GLI2: variants seen among roughly 807,000 people sequenced by gnomAD.
GLI2 encodes the protein GLI family zinc finger 2.
A neutral mutation model predicts 78.9 loss-of-function variants in GLI2; 22 were observed. The ratio of observed to expected loss-of-function variants is 0.28; its 90% CI spans 0.20 to 0.40. GLI2 has a LOEUF of 0.40. GLI2 is among the 10% of genes least tolerant of loss of function. The probability of loss-of-function intolerance (pLI) is 1.00; values close to 1 mark genes in which losing one functional copy is unlikely to be tolerated. For missense variants in GLI2, 2,097 were observed against 2,213.2 expected (o/e 0.95, Z 1.05); for synonymous variants, 974 against 963.7 (o/e 1.01, Z -0.20).
intron 2 of GLI2, among the ~76,000 whole-genome samples, chr2:120,814,769 C>T (rs924856454): frequency 2.0e-5 from 3 of 151,188 alleles, no homozygotes; most frequent in Admixed American, 6.6e-5. Flanking sequence ...TTTTGGGATT[C>T]CTGCCCCCGC....
chr2:120,841,193 C>A (rs7557372), intron 2 of GLI2, among the ~76,000 whole-genome samples: 42,121 of 152,150 alleles, frequency 0.28, 6,921 homozygotes, highest in African/African-American at 0.46. Flanking sequence ...TATCCACTCC[C>A]TGCAAAAGAC....
chr2:120,831,237 CA>C (rs1468991227), intron 2 of GLI2, among the ~76,000 whole-genome samples: 1 of 152,192 alleles, frequency 6.6e-6, no homozygotes, highest in African/African-American at 2.4e-5. Flanking sequence ...CTTCTTCTGC[CA>C]AAGGCATCTT....
Position 120,986,519 on chromosome 2 carries a change from A to G in GLI2, c.2147A>G (p.Lys716Arg), listed in dbSNP as rs573007556. The change falls in exon 13 of 14, where the codon AAG (lysine) becomes AGG (arginine). Residue 716 changes from lysine to arginine, a missense_variant. This residue lies in a region of GLI2 where 1,290 missense variants were observed against 1,261.7 expected (regional missense o/e 1.02). Coordinates refer to ENST00000361492, the MANE Select transcript of GLI2 (RefSeq NM_001374353.1). ...MTTMHRFEQL[K>R]KEKLKSLKDS... ...ACCATGCACCGGTTCGAGCAGCTCA[A>G]GAAGGAGAAGCTCAAGTCACTCAAG... is the stretch of plus-strand genomic sequence containing the variant. 1.2e-6 allele frequency: 2 copies of G among 1,614,144 alleles called. No individual in the cohort carries two copies. The highest frequency in any genetic ancestry group is 1.6e-4 in the Middle Eastern group (1 of 6,062).
intron 2 of GLI2, among the ~76,000 whole-genome samples, chr2:120,812,908 C>G (rs1405562718): frequency 4.6e-5 from 7 of 152,180 alleles, no homozygotes; most frequent in Non-Finnish European, 1.5e-5. Context: ...CGAGAGTCTT[C>G]TCTTCTTTCT....
Position 120,988,963 on chromosome 2 carries a change from G to C in GLI2, c.2998G>C (p.Gly1000Arg). Residue 1000 changes from glycine (G) to arginine (R), a missense_variant, in exon 14 of 14, where the codon GGC becomes CGC. By Grantham distance (125) the Gly-to-Arg change is moderately radical. This residue lies in a region of GLI2 where 1,290 missense variants were observed against 1,261.7 expected (regional missense o/e 1.02). Coordinates refer to ENST00000361492, the MANE Select transcript of GLI2 (RefSeq NM_001374353.1). ...LRLQSHPSTD[G>R]GLARGAYSPR... is the part of the protein sequence containing the mutation. ...CCTGCAGAGCCACCCGAGCACCGACGGCGGCCTGGCCCGCGGCGCCTACTC... is the reference window on the plus strand; with the variant it reads ...CCTGCAGAGCCACCCGAGCACCGACCGCGGCCTGGCCCGCGGCGCCTACTC... 1 of 1,547,950 alleles carries C rather than the reference G, an allele frequency of 6.5e-7. No homozygotes were observed. The highest frequency in any genetic ancestry group is 1.2e-5 in the South Asian group (1 of 86,002).
intron 2 of GLI2, among the ~76,000 whole-genome samples, chr2:120,898,018 A>T (rs1163673221): frequency 1.3e-5 from 2 of 152,012 alleles, no homozygotes; most frequent in African/African-American, 4.8e-5. Flanking sequence ...CACCGTTCAG[A>T]GGAGTTGATA....
At chr2:120,757,671 C>T in intron 1 of GLI2, among the ~76,000 whole-genome samples, 1 of 152,228 alleles carries the variant, frequency 6.6e-6, no homozygotes, top group East Asian at 1.9e-4. Context: ...TTCCACTGGT[C>T]TGGTGTTCTG....
intron 2 of GLI2, among the ~76,000 whole-genome samples, chr2:120,877,821 C>T (rs1161546225): frequency 6.6e-6 from 1 of 152,102 alleles, no homozygotes; most frequent in East Asian, 1.9e-4. Flanking sequence ...TTCTGTGCTG[C>T]TTATGAACAT....
At chr2:120,817,695 C>T (rs1255771749) in intron 2 of GLI2, among the ~76,000 whole-genome samples, 8 of 152,196 alleles carry the variant, frequency 5.3e-5, no homozygotes, top group African/African-American at 1.7e-4. Flanking sequence ...CTATATCTGT[C>T]TCATCAGCTC....
chr2:120,959,770 C>G (rs1681454275), intron 5 of GLI2, among the ~76,000 whole-genome samples: 1 of 152,200 alleles, frequency 6.6e-6, no homozygotes, highest in African/African-American at 2.4e-5. Flanking sequence ...TCCCGGAAAG[C>G]TCCAGACCAC....
At chr2:120,803,369 G>GGT (rs10660529) in intron 2 of GLI2, among the ~76,000 whole-genome samples, 78,946 of 152,002 alleles carry the variant, frequency 0.52, 22,342 homozygotes, top group South Asian at 0.7. Flanking sequence ...TGGGCACAGA[G>GGT]GGCCTTGTGT....
intron 2 of GLI2, among the ~76,000 whole-genome samples, chr2:120,829,637 T>C (rs1024578184): frequency 1.3e-5 from 2 of 152,230 alleles, no homozygotes; most frequent in African/African-American, 2.4e-5. Flanking sequence ...TCGTCATTAT[T>C]ATCACCAATC....
chr2:120,762,945 G>A (rs955724859), intron 1 of GLI2, among the ~76,000 whole-genome samples: 5 of 152,240 alleles, frequency 3.3e-5, no homozygotes, highest in Non-Finnish European at 7.3e-5. Flanking sequence ...CTGGGGACTC[G>A]AGAGGACTTT....
chr2:120,839,343 A>G (rs1686758680), intron 2 of GLI2, among the ~76,000 whole-genome samples: 1 of 152,242 alleles, frequency 6.6e-6, no homozygotes, highest in South Asian at 2.1e-4. Flanking sequence ...TTAAAAAATT[A>G]CTAATTCAGT....
intron 2 of GLI2, among the ~76,000 whole-genome samples, chr2:120,917,609 C>T (rs1348335232): frequency 6.6e-6 from 1 of 152,274 alleles, no homozygotes; most frequent in African/African-American, 2.4e-5. Context: ...GAGACCCCAT[C>T]CTCTGCACTG....
intron 2 of GLI2, among the ~76,000 whole-genome samples, chr2:120,886,526 C>G (rs184205884): frequency 1.3e-5 from 2 of 152,186 alleles, no homozygotes; most frequent in Non-Finnish European, 2.9e-5. Flanking sequence ...CTTGGCCTCC[C>G]TAAGTGCTGG....
intron 2 of GLI2, among the ~76,000 whole-genome samples, chr2:120,858,715 C>T (rs1376838579): frequency 3.3e-5 from 5 of 152,170 alleles, no homozygotes; most frequent in Non-Finnish European, 7.3e-5. Flanking sequence ...GTGAGCTGAG[C>T]ATGAGATGAT....
In GLI2 at chr2:120,973,018, G is replaced by A. The variant is rs754358327; in HGVS notation, c.1182+955G>A. ...GTCTTCATTCATTACCACAGAAGCCGCATCTTGGACACCAAGGATGCTCAG... is the reference window on the plus strand; with the variant it reads ...GTCTTCATTCATTACCACAGAAGCCACATCTTGGACACCAAGGATGCTCAG... On this transcript the variant is annotated intron_variant, in intron 8 of 13. Coordinates refer to ENST00000361492, the MANE Select transcript of GLI2 (RefSeq NM_001374353.1). Among the ~76,000 whole-genome samples the A allele has an allele frequency of 7.2e-5, 11 of 152,254 alleles. No individual in the cohort carries two copies. In the East Asian group the frequency reaches 9.6e-4, roughly 13 times the overall value.
intron 3 of GLI2, among the ~76,000 whole-genome samples, chr2:120,947,385 A>G (rs1013078601): frequency 2.0e-5 from 3 of 152,204 alleles, no homozygotes; most frequent in Admixed American, 2.0e-4. Flanking sequence ...TCACAAAGAA[A>G]ATATGTGCAT....
Sources: allele counts gnomAD v4.1 joint callset (sites outside exome capture counted in the v4.1 genomes callset), GRCh38; gene constraint gnomAD v4.1.1; regional missense constraint gnomAD v4.1.1; transcripts MANE v1.5; gene names NCBI Gene and HGNC (gene_info 2026-07-23, HGNC 2026-07-21).